Variants in C2orf78 observed in about 807,000 individuals in gnomAD.
C2orf78 encodes uncharacterized protein C2orf78.
A neutral mutation model predicts 21.4 loss-of-function variants in C2orf78; 12 were observed. The ratio of observed to expected loss-of-function variants is 0.56; its 90% CI spans 0.36 to 0.91. C2orf78 has a LOEUF of 0.91. Ranked by LOEUF, C2orf78 falls within the 40% of genes least tolerant of loss-of-function variation. C2orf78 has a pLI of 0.01. For missense variants in C2orf78, 1,042 were observed against 1,092.4 expected (o/e 0.95, Z 0.65); for synonymous variants, 396 against 413.9 (o/e 0.96, Z 0.52).
chr2:73,815,436 C>T, exon 3 of C2orf78: 1 of 1,613,954 alleles, frequency 6.2e-7, no homozygotes, highest in South Asian at 1.1e-5. Context: ...CATTGATCCT[C>T]TTGGCCAAGA....
At chr2:73,811,537 C>G (rs1264483118) in intron 1 of C2orf78, among the ~76,000 whole-genome samples, 2 of 152,158 alleles carry the variant, frequency 1.3e-5, no homozygotes, top group Admixed American at 1.3e-4. Context: ...TTAATACTTT[C>G]TTCCAAAAAC....
intron 1 of C2orf78, chr2:73,808,986 A>G (rs1673015980): frequency 1.8e-6 from 1 of 548,316 alleles, no homozygotes; most frequent in East Asian, 3.2e-5. Flanking sequence ...ATTCCCAAAC[A>G]GCTTGGAATA....
chr2:73,812,887 T>C (rs919336156), intron 1 of C2orf78, among the ~76,000 whole-genome samples: 1 of 152,154 alleles, frequency 6.6e-6, no homozygotes, highest in South Asian at 2.1e-4. Context: ...AAGCAAAATG[T>C]GACACTAAGG....
At chr2:73,810,665 A>C (rs1394690203) in intron 1 of C2orf78, among the ~76,000 whole-genome samples, 2 of 131,158 alleles carry the variant, frequency 1.5e-5, no homozygotes, top group African/African-American at 3.1e-5. Flanking sequence ...TCTATAATAT[A>C]TATAATATAA....
chr2:73,811,769 CT>C (rs1045097686), intron 1 of C2orf78, among the ~76,000 whole-genome samples: 1 of 151,732 alleles, frequency 6.6e-6, no homozygotes, highest in African/African-American at 2.4e-5. Context: ...TGATTATAAT[CT>C]AGGTTTTGAG....
chr2:73,816,655 G>A (rs1673207445), exon 3 of C2orf78: 1 of 1,613,892 alleles, frequency 6.2e-7, no homozygotes, highest in East Asian at 2.2e-5. Flanking sequence ...GCTGCTTCTA[G>A]GCCATCAGCC....
At chr2:73,815,991 T>G in exon 3 of C2orf78, 1 of 1,613,586 alleles carries the variant, frequency 6.2e-7, no homozygotes, top group Non-Finnish European at 8.5e-7. Flanking sequence ...GAGTAAGCAG[T>G]CAGGGAAAAA....
At chr2:73,811,492 A>G (rs1016845245) in intron 1 of C2orf78, among the ~76,000 whole-genome samples, 2 of 152,204 alleles carry the variant, frequency 1.3e-5, no homozygotes, top group African/African-American at 4.8e-5. Context: ...CCTTTGCATG[A>G]AAAGTAGATT....
At chr2:73,813,943 G>A (rs769824774) in exon 2 of C2orf78, 6 of 1,614,040 alleles carry the variant, frequency 3.7e-6, no homozygotes, top group Non-Finnish European at 4.2e-6. Flanking sequence ...TTGTTCAGGG[G>A]ACACTAACTC....
At chr2:73,815,336 G>A in exon 3 of C2orf78, 1 of 1,613,896 alleles carries the variant, frequency 6.2e-7, no homozygotes, top group Non-Finnish European at 8.5e-7. Context: ...ACCTTTCAAA[G>A]CCTCTAGATG....
At chr2:73,813,025 C>T (rs1673119629) in intron 1 of C2orf78, among the ~76,000 whole-genome samples, 1 of 152,184 alleles carries the variant, frequency 6.6e-6, no homozygotes, top group Admixed American at 6.5e-5. Flanking sequence ...GGTTCTGTAA[C>T]CTGGTAATGA....
At chr2:73,815,582 C>T (rs1453195229) in exon 3 of C2orf78, 3 of 1,613,822 alleles carry the variant, frequency 1.9e-6, no homozygotes, top group Non-Finnish European at 2.5e-6. Flanking sequence ...ATACTTACCT[C>T]CCCCCGATCT....
In C2orf78 at chr2:73,815,969, GA is replaced by G; in HGVS notation, c.1749del (p.Lys583AsnfsTer14). The G allele has an allele frequency of 6.2e-7, 1 of 1,613,916 alleles. No individual in the cohort carries two copies. Among genetic ancestry groups the G allele is most frequent in the Non-Finnish European group, 8.5e-7 (1 of 1,179,870 alleles). On this transcript the variant is annotated frameshift_variant, in exon 3 of 3. Transcript: ENST00000409561. LOFTEE classifies it low-confidence loss of function (END_TRUNC). ...AAGGGAACAGAAAGAACAGCTCCAA[GA>G]AATCTGAAGAGAGTAAGCAGTCAGG...
At chr2:73,815,477 A>G (rs1191206334) in exon 3 of C2orf78, 3 of 1,613,784 alleles carry the variant, frequency 1.9e-6, no homozygotes, top group Admixed American at 1.7e-5. Context: ...ATGCCAATCT[A>G]AGAAATAAGA....
At chr2:73,810,204 C>T (rs1374470923) in intron 1 of C2orf78, among the ~76,000 whole-genome samples, 1 of 151,986 alleles carries the variant, frequency 6.6e-6, no homozygotes, top group Non-Finnish European at 1.5e-5. Flanking sequence ...ACATAGATGA[C>T]ACTTGACAGT....
chr2:73,786,155 G>GGGAA (rs1672928356), intron 1 of C2orf78, among the ~76,000 whole-genome samples: 3 of 151,874 alleles, frequency 2.0e-5, no homozygotes, highest in East Asian at 1.9e-4. Flanking sequence ...TGACGCAGGC[G>GGGAA]GATTGCCTGA....
chr2:73,813,943 G>C (rs769824774), exon 2 of C2orf78: 2 of 1,613,922 alleles, frequency 1.2e-6, no homozygotes, highest in African/African-American at 2.7e-5. Context: ...TTGTTCAGGG[G>C]ACACTAACTC....
chr2:73,816,104 C>G (rs771614644), exon 3 of C2orf78: 10 of 1,613,850 alleles, frequency 6.2e-6, no homozygotes, highest in Non-Finnish European at 8.5e-6. Context: ...GCTCCCTAGG[C>G]ATGCACATGC....
Position 73,784,636 on chromosome 2 carries a change from G to T in C2orf78, c.97+230G>T, listed in dbSNP as rs550807358. 2.6e-5 allele frequency among the ~76,000 whole-genome samples: 4 copies of T among 151,382 alleles called. No individual in the cohort carries two copies. The Admixed American group carries it at 2.6e-4, about 10-fold the overall frequency. ...CCTCATCTATTACACTAGGATAATA[G>T]ACTGGTTATTCCCCCTGGCCCTTTT... On this transcript the variant is annotated intron_variant, in intron 1 of 2. Coordinates refer to ENST00000409561, the Ensembl canonical transcript of C2orf78.
Sources: allele counts gnomAD v4.1 joint callset (sites outside exome capture counted in the v4.1 genomes callset), GRCh38; gene constraint gnomAD v4.1.1; transcripts MANE v1.5; gene names NCBI Gene and HGNC (gene_info 2026-07-23, HGNC 2026-07-21).